Variants in DMD observed in about 807,000 individuals in gnomAD.
DMD encodes dystrophin.
DMD carries 63 observed loss-of-function variants against 330.1 expected under a neutral mutation model. That is an observed-to-expected ratio of 0.19 (90% CI 0.16 to 0.24). The LOEUF (loss-of-function observed/expected upper bound fraction) is 0.24. Ranked by LOEUF, DMD falls within the 10% of genes least tolerant of loss-of-function variation. DMD has a pLI of 1.00. For synonymous variants in DMD, 1,223 were observed against 959.8 expected, an observed-to-expected ratio of 1.27 and a Z score of -5.07; for missense variants, 3,344 against 2,684.1, an observed-to-expected ratio of 1.25 and a Z score of -5.43.
At chrX:31,321,229 C>T (rs1469999573) in intron 62 of DMD, among the ~76,000 whole-genome samples, 1 of 111,218 alleles carries the variant, frequency 9.0e-6, no homozygotes, top group Non-Finnish European at 1.9e-5. Context: ...ATGCTCATTA[C>T]GTCTTAGAGC....
At chrX:31,321,750 C>T (rs765382183) in intron 62 of DMD, among the ~76,000 whole-genome samples, 1 of 110,651 alleles carries the variant, frequency 9.0e-6, no homozygotes, top group East Asian at 2.8e-4. Context: ...TCAATACCAT[C>T]ACCATGGTCT....
intron 41 of DMD, 149 bp downstream of exon 41, chrX:32,341,950 CA>C: frequency 1.8e-6 from 1 of 553,379 alleles, no homozygotes; most frequent in Non-Finnish European, 2.7e-6. Context: ...TACAGAAGCC[CA>C]AAGTGAGGGA....
At chrX:32,807,122 T>TAA (rs999286386) in intron 7 of DMD, among the ~76,000 whole-genome samples, 490 of 20,692 alleles carry the variant, frequency 0.024, 22 homozygotes, top group African/African-American at 0.027. Flanking sequence ...CGGAAACATT[T>TAA]AAAAAAAAAA....
chrX:32,743,863 C>CT (rs1159686241), intron 7 of DMD, among the ~76,000 whole-genome samples: 4 of 111,090 alleles, frequency 3.6e-5, no homozygotes, highest in Admixed American at 9.7e-5. Flanking sequence ...CAATGTAGCT[C>CT]TTTTTCAATG....
chrX:32,898,272 T>A (rs2149286245), intron 2 of DMD, among the ~76,000 whole-genome samples: 1 of 111,697 alleles, frequency 9.0e-6, no homozygotes, highest in South Asian at 3.8e-4. Flanking sequence ...ACTTCCTGCC[T>A]CTCTAATATC....
intron 9 of DMD, among the ~76,000 whole-genome samples, chrX:32,675,333 G>T (rs149079900): frequency 0.03 from 3,369 of 110,942 alleles, 123 homozygotes; most frequent in African/African-American, 0.11. Flanking sequence ...GAAAGAGATG[G>T]TAATATCATC....
chrX:31,176,818 A>G (rs2040557057), intron 71 of DMD, among the ~76,000 whole-genome samples: 1 of 111,431 alleles, frequency 9.0e-6, no homozygotes, highest in South Asian at 3.8e-4. Context: ...AAGGGGCGCA[A>G]TAACGAAGTT....
intron 44 of DMD, among the ~76,000 whole-genome samples, chrX:32,138,110 T>A (rs1465744225): frequency 9.1e-6 from 1 of 110,091 alleles, no homozygotes; most frequent in African/African-American, 3.3e-5. Context: ...TCGTCCCCAG[T>A]TGGAGACAAG....
intron 43 of DMD, among the ~76,000 whole-genome samples, chrX:32,250,388 A>G (rs1490085302): frequency 8.9e-6 from 1 of 112,000 alleles, no homozygotes; most frequent in Non-Finnish European, 1.9e-5. Context: ...CTTTTTAGCT[A>G]ATATTGTGGC....
chrX:33,309,221 T>A (rs1188758814), intron 1 of DMD, among the ~76,000 whole-genome samples: 1 of 112,095 alleles, frequency 8.9e-6, no homozygotes, highest in Non-Finnish European at 1.9e-5. Flanking sequence ...AACAGGATTA[T>A]AATTATATTC....
intron 62 of DMD, among the ~76,000 whole-genome samples, chrX:31,266,159 C>CAAAAAAAAAAAAAAAAAAAAA (rs1174153877): frequency 5.3e-4 from 7 of 13,331 alleles, no homozygotes; most frequent in Admixed American, 9.7e-4. Flanking sequence ...TCCCGAAGGG[C>CAAAAAAAAAAAAAAAAAAAAA]AAAAAAAAAA....
At chrX:32,636,695 G>A (rs902703714) in intron 11 of DMD, among the ~76,000 whole-genome samples, 9 of 111,710 alleles carry the variant, frequency 8.1e-5, no homozygotes, top group African/African-American at 2.6e-4. Context: ...CTGCGTGGCT[G>A]GATGCAAAAG....
chrX:31,515,411 A>T (rs2072088735), intron 55 of DMD, among the ~76,000 whole-genome samples: 1 of 111,771 alleles, frequency 8.9e-6, no homozygotes, highest in Admixed American at 9.6e-5. Context: ...ATAAGTGACC[A>T]AATCTCCTTA....
At position 32,645,030 on chromosome X, in the gene DMD, T is replaced by C. The variant is rs767325921; in HGVS notation, c.1083A>G (p.Thr361=). The change falls in exon 10 of 79, where the codon ACA becomes ACG. Residue 361 remains threonine, a synonymous_variant. Coordinates refer to ENST00000357033, the MANE Select transcript of DMD (RefSeq NM_004006.3). ...VLSWLLSAED[T]LQAQGEISND... ...TAGAAATCTCTCCTTGTGCTTGCAATGTGTCCTCAGCAGAAAGAAGCCACG... is the reference window on the plus strand; with the variant it reads ...TAGAAATCTCTCCTTGTGCTTGCAACGTGTCCTCAGCAGAAAGAAGCCACG... 33 of 1,210,030 alleles carry C rather than the reference T, an allele frequency of 2.7e-5. No homozygotes were observed. The highest frequency in any genetic ancestry group is 2.3e-4 in the Middle Eastern group (1 of 4,375).
intron 34 of DMD, among the ~76,000 whole-genome samples, chrX:32,373,653 G>A (rs1267749809): frequency 9.0e-6 from 1 of 111,593 alleles, no homozygotes; most frequent in African/African-American, 3.3e-5. Flanking sequence ...CAGCCCATGG[G>A]CTGTACAAAA....
At chrX:32,547,979 C>G (rs770114963) in intron 16 of DMD, among the ~76,000 whole-genome samples, 4 of 111,497 alleles carry the variant, frequency 3.6e-5, no homozygotes, top group East Asian at 2.8e-4. Flanking sequence ...AATCATGACC[C>G]TGATAAATAT....
At chrX:31,207,088 A>G (rs2044150745) in intron 65 of DMD, among the ~76,000 whole-genome samples, 1 of 111,945 alleles carries the variant, frequency 8.9e-6, no homozygotes, top group Non-Finnish European at 1.9e-5. Context: ...CATGGAAGCC[A>G]AAAAAATTAC....
At chrX:31,433,543 G>A (rs1414860940) in intron 60 of DMD, among the ~76,000 whole-genome samples, 1 of 105,817 alleles carries the variant, frequency 9.5e-6, no homozygotes, top group African/African-American at 3.5e-5. Flanking sequence ...TGCAACCTCC[G>A]CCTCCTATGT....
chrX:31,831,572 T>C (rs1309046558), intron 49 of DMD, among the ~76,000 whole-genome samples: 1 of 111,890 alleles, frequency 8.9e-6, no homozygotes, highest in African/African-American at 3.3e-5. Context: ...CTCCAAGACT[T>C]TTTTTTCAGT....
Sources: allele counts gnomAD v4.1 joint callset (sites outside exome capture counted in the v4.1 genomes callset), GRCh38; gene constraint gnomAD v4.1.1; transcripts MANE v1.5; gene names NCBI Gene and HGNC (gene_info 2026-07-23, HGNC 2026-07-21).